The following CTTNBP2 variants were observed in gnomAD, a reference collection of about 807,000 sequenced individuals.
CTTNBP2 encodes the protein cortactin-binding protein 2.
Under a neutral mutation model 156.9 loss-of-function variants are expected in CTTNBP2, and 108 were observed. That is an observed-to-expected ratio of 0.69 (90% CI 0.59 to 0.81). The LOEUF is 0.81. Ranked by LOEUF, CTTNBP2 falls within the 30% of genes least tolerant of loss-of-function variation. The pLI, the probability that CTTNBP2 is intolerant of heterozygous loss-of-function variation, is 0.00. For synonymous variants in CTTNBP2, 767 were observed against 751.8 expected, an observed-to-expected ratio of 1.02 and a Z score of -0.33; for missense variants, 1,924 against 2,035.4, an observed-to-expected ratio of 0.95 and a Z score of 1.05.
At chr7:117,804,994 T>C (rs6466623) in intron 3 of CTTNBP2, among the ~76,000 whole-genome samples, 43,010 of 152,120 alleles carry the variant, frequency 0.28, 11,288 homozygotes, top group African/African-American at 0.7. Flanking sequence ...TTTTCTGTGG[T>C]CTCTCTTCTT....
intron 1 of CTTNBP2, among the ~76,000 whole-genome samples, chr7:117,868,496 C>T (rs1046156743): frequency 4.6e-5 from 7 of 152,160 alleles, no homozygotes; most frequent in Admixed American, 2.0e-4. Flanking sequence ...GAGTATCTCC[C>T]CCTACTCTAA....
Position 117,723,433 on chromosome 7 carries a change from T to C in CTTNBP2, c.4447+1114A>G, listed in dbSNP as rs182398105. On this transcript the variant is annotated intron_variant, in intron 19 of 22. Coordinates refer to ENST00000160373, the MANE Select transcript of CTTNBP2 (RefSeq NM_033427.3). ...ATTTAGAAACCCCACTGCTATAAAG[T>C]TGGCATAAAATTTCACAAAACAAAT... is the stretch of plus-strand genomic sequence containing the variant. 1.6e-4 allele frequency among the ~76,000 whole-genome samples: 24 copies of C among 152,306 alleles called. No individual in the cohort carries two copies. The East Asian group carries it at 3.9e-3, about 24-fold the overall frequency.
chr7:117,865,789 T>TA (rs1804152073), intron 1 of CTTNBP2, among the ~76,000 whole-genome samples: 1 of 150,422 alleles, frequency 6.6e-6, no homozygotes, highest in Admixed American at 6.6e-5. Context: ...GCTTAACACC[T>TA]AGTTTTAAAA....
At chr7:117,754,907 A>G (rs930281912) in intron 12 of CTTNBP2, among the ~76,000 whole-genome samples, 1 of 152,184 alleles carries the variant, frequency 6.6e-6, no homozygotes, top group Admixed American at 6.5e-5. Flanking sequence ...AGTCAACGCT[A>G]ATTTGCAGTT....
At chr7:117,860,545 G>C (rs192180207) in intron 2 of CTTNBP2, among the ~76,000 whole-genome samples, 1 of 151,914 alleles carries the variant, frequency 6.6e-6, no homozygotes, top group South Asian at 2.1e-4. Flanking sequence ...GGGTTTCACC[G>C]TGTTAGCCAG....
Position 117,791,119 on chromosome 7 carries a change from T to C in CTTNBP2, c.2068+9A>G, listed in dbSNP as rs1299863944. ...CTTTAAAAAGCGTATAACATTTCAA[T>C]CCCTTTACCTGATGCTGTTACCAGG... On this transcript the variant is annotated intron_variant, in intron 4 of 22. Transcript: ENST00000160373. 1 of 1,602,598 alleles carries C rather than the reference T, an allele frequency of 6.2e-7. No individual in the cohort carries two copies. The highest frequency in any genetic ancestry group is 1.1e-5 in the South Asian group (1 of 89,912).
chr7:117,711,658 G>T lies in CTTNBP2; in HGVS notation c.4871C>A (p.Ser1624Tyr), dbSNP rs370798516. The T allele has an allele frequency of 6.2e-7, 1 of 1,613,966 alleles. No homozygotes were observed. The highest frequency in any genetic ancestry group is 1.7e-5 in the Admixed American group (1 of 60,004). The change falls in exon 23 of 23, where the codon TCC becomes TAC. Residue 1624 changes from serine to tyrosine, a missense_variant. Coordinates refer to ENST00000160373, the MANE Select transcript of CTTNBP2 (RefSeq NM_033427.3). Reference protein sequence around the residue: ...PVPRSKVTQCSQNTKRSSSSS... With the variant: ...PVPRSKVTQCYQNTKRSSSSS... ...GCTGCTGCTTCTTTTGGTGTTCTGG[G>T]AACACTGGGTGACTTTACTTCTAGG...
intron 2 of CTTNBP2, among the ~76,000 whole-genome samples, chr7:117,832,206 C>T (rs1024859390): frequency 3.3e-5 from 5 of 152,140 alleles, no homozygotes; most frequent in African/African-American, 9.7e-5. Context: ...CAGTCAAGGA[C>T]TATAATGGCT....
chr7:117,803,422 A>G (rs978262158), intron 3 of CTTNBP2, among the ~76,000 whole-genome samples: 1 of 152,158 alleles, frequency 6.6e-6, no homozygotes, highest in African/African-American at 2.4e-5. Flanking sequence ...AAAACTACCT[A>G]TTGGGTACTA....
At chr7:117,817,767 T>C (rs34618540) in intron 2 of CTTNBP2, among the ~76,000 whole-genome samples, 5 of 152,292 alleles carry the variant, frequency 3.3e-5, no homozygotes, top group African/African-American at 1.2e-4. Context: ...AAAACTTTTA[T>C]TGACATTATT....
chr7:117,793,598 G>A (rs1171985710), intron 3 of CTTNBP2: 1 of 152,232 alleles, frequency 6.6e-6, no homozygotes, highest in Admixed American at 6.5e-5. Context: ...ACCTGTGGGA[G>A]GGTGAGTAGG....
chr7:117,805,937 T>C (rs1042779163), intron 3 of CTTNBP2, among the ~76,000 whole-genome samples: 3 of 152,206 alleles, frequency 2.0e-5, no homozygotes, highest in African/African-American at 7.2e-5. Flanking sequence ...ACTTATTTGA[T>C]TGTAGGACTA....
rs539743538 is a variant in CTTNBP2, at chr7:117,792,907, C to T, written c.415-126G>A. The T allele has an allele frequency of 3.1e-5, 18 of 583,480 alleles. No individual in the cohort carries two copies. In the South Asian group the frequency reaches 8.4e-4, roughly 27 times the overall value. The allele number at this position is 583,480 out of a possible 1,614,324, so 36.1% of individuals were successfully genotyped here. The stretch of plus-strand genomic sequence containing the variant: ...ATAACTCGGGTTAGCAAAAACGCCA[C>T]ATTTTCAAAAAGTGTTGTGATAAGA... On this transcript the variant is annotated intron_variant, in intron 3 of 22. Coordinates refer to ENST00000160373, the MANE Select transcript of CTTNBP2 (RefSeq NM_033427.3). The surrounding 1 kb of genome is among the most constrained non-coding windows in gnomAD (Gnocchi z 4.2).
chr7:117,790,241 C>T (rs192823463), intron 4 of CTTNBP2, among the ~76,000 whole-genome samples: 5 of 152,278 alleles, frequency 3.3e-5, no homozygotes, highest in Admixed American at 3.3e-4. Context: ...TGCAGTTAGT[C>T]AGATGTGTTT....
intron 11 of CTTNBP2, among the ~76,000 whole-genome samples, chr7:117,756,968 C>A (rs1796917679): frequency 6.6e-6 from 1 of 152,188 alleles, no homozygotes; most frequent in Non-Finnish European, 1.5e-5. Flanking sequence ...GATTGCTGGG[C>A]TTGATGTTTT....
chr7:117,786,250 C>A (rs994932456), intron 4 of CTTNBP2: 1 of 180,234 alleles, frequency 5.5e-6, no homozygotes. Flanking sequence ...TGTTTTTAAC[C>A]CTATTAGGAC....
intron 2 of CTTNBP2, among the ~76,000 whole-genome samples, chr7:117,830,789 C>T (rs577732587): frequency 6.6e-6 from 1 of 152,270 alleles, no homozygotes; most frequent in South Asian, 2.1e-4. Flanking sequence ...CTGCTCTGCA[C>T]AGAAAATAAA....
intron 2 of CTTNBP2, among the ~76,000 whole-genome samples, chr7:117,827,467 T>C (rs1801353639): frequency 6.6e-6 from 1 of 152,172 alleles, no homozygotes; most frequent in Non-Finnish European, 1.5e-5. Context: ...TCTAGGACAT[T>C]TCAACTCATA....
intron 21 of CTTNBP2, among the ~76,000 whole-genome samples, 200 bp from the exon 22 acceptor site, chr7:117,718,319 C>A (rs1182682502): frequency 6.6e-6 from 1 of 152,002 alleles, no homozygotes; most frequent in African/African-American, 2.4e-5. Context: ...GAAACATCCT[C>A]TAAGGAAAAA....
Sources: gnomAD v4.1 joint callset for allele counts (sites outside exome capture counted in the v4.1 genomes callset) on GRCh38, gnomAD v4.1.1 for gene constraint, Gnocchi (gnomAD v3.1) non-coding constraint, MANE v1.5 for transcripts, NCBI Gene and HGNC (gene_info 2026-07-23, HGNC 2026-07-21) for gene names.